Variants in ZFHX3 observed in about 807,000 individuals in gnomAD.
ZFHX3 encodes the protein zinc finger homeobox 3, also known as zinc finger homeobox protein 3.
Under a neutral mutation model 279.1 loss-of-function variants are expected in ZFHX3, and 42 were observed. That is an observed-to-expected ratio of 0.15 (90% CI 0.12 to 0.19). ZFHX3 has a LOEUF of 0.19. ZFHX3 is among the 10% of genes least tolerant of loss of function. The pLI, the probability that ZFHX3 is intolerant of heterozygous loss-of-function variation, is 1.00. For synonymous variants in ZFHX3, 2,293 were observed against 1,957.8 expected, an observed-to-expected ratio of 1.17 and a Z score of -4.52; for missense variants, 4,981 against 4,754.0, an observed-to-expected ratio of 1.05 and a Z score of -1.40.
At chr16:73,006,628 AAAGAAAAAAAAG>A (rs1567629181) in intron 1 of ZFHX3, among the ~76,000 whole-genome samples, 1 of 151,926 alleles carries the variant, frequency 6.6e-6, no homozygotes, top group Admixed American at 6.6e-5. Flanking sequence ...AAAAGAAAGA[AAAGAAAAAAAAG>A]AAAGAAACGA....
chr16:73,390,586 C>G (rs550818734), intron 3 of ZFHX3, among the ~76,000 whole-genome samples: 1 of 152,074 alleles, frequency 6.6e-6, no homozygotes, highest in African/African-American at 2.4e-5. Flanking sequence ...AGACTCATTA[C>G]GGGAAAAGCT....
At chr16:73,410,846 C>T (rs117113746) in intron 3 of ZFHX3, among the ~76,000 whole-genome samples, 41 of 152,284 alleles carry the variant, frequency 2.7e-4, no homozygotes, top group East Asian at 1.9e-3. Flanking sequence ...ATCTCCTTCC[C>T]GTAACAACCC....
chr16:72,896,728 G>A (rs1680416482), intron 3 of ZFHX3, among the ~76,000 whole-genome samples: 1 of 152,200 alleles, frequency 6.6e-6, no homozygotes, highest in African/African-American at 2.4e-5. Context: ...TATAAATCTG[G>A]AGGGGCCCCA....
At chr16:73,870,941 G>GT (rs1224336147) in intron 1 of ZFHX3, among the ~76,000 whole-genome samples, 1 of 152,076 alleles carries the variant, frequency 6.6e-6, no homozygotes, top group Non-Finnish European at 1.5e-5. Context: ...TCTGAATCGT[G>GT]TTTTGCATTG....
chr16:73,077,239 C>T (rs983529969), intron 8 of ZFHX3, among the ~76,000 whole-genome samples: 1 of 152,112 alleles, frequency 6.6e-6, no homozygotes, highest in African/African-American at 2.4e-5. Flanking sequence ...CCTCAATCTA[C>T]TAAAATCTTG....
intron 3 of ZFHX3, among the ~76,000 whole-genome samples, chr16:73,369,162 G>A (rs759381548): frequency 2.0e-5 from 3 of 152,132 alleles, no homozygotes; most frequent in South Asian, 2.1e-4. Flanking sequence ...ATTCTATCAC[G>A]CTTAAGCTAA....
chr16:73,017,989 C>CTT lies in ZFHX3; in HGVS notation c.-50+29761_-50+29762dup, dbSNP rs11460634. Among the ~76,000 whole-genome samples, 382 of 143,784 alleles carry CTT rather than the reference C, an allele frequency of 2.7e-3. 3 individuals carry two copies. Among genetic ancestry groups the CTT allele is most frequent in the Middle Eastern group, 0.015 (4 of 274 alleles). 94.3% of individuals were successfully genotyped at this position (143,784 alleles called of 152,430 possible). A position where few individuals can be genotyped will look rare whatever the true frequency, so the allele number is the denominator to read the frequency against. On this transcript the variant is annotated intron_variant, in intron 1 of 9. Transcript: ENST00000268489. ...GGACCTATGTTTTCTCAGTTTTTAT[C>CTT]TTTTTTTTTTTTTTGAGACAGGGTC...
At chr16:73,798,241 A>T (rs1960049847) in intron 1 of ZFHX3, among the ~76,000 whole-genome samples, 1 of 152,046 alleles carries the variant, frequency 6.6e-6, no homozygotes, top group African/African-American at 2.4e-5. Flanking sequence ...GAGATGGAAA[A>T]CATGGTCTCT....
chr16:73,479,467 T>A (rs2143622065), intron 2 of ZFHX3, among the ~76,000 whole-genome samples: 1 of 152,314 alleles, frequency 6.6e-6, no homozygotes, highest in Middle Eastern at 3.4e-3. Context: ...TCCAGCTACT[T>A]CTGCCCTTCT....
intron 4 of ZFHX3, among the ~76,000 whole-genome samples, chr16:72,863,837 G>T (rs1000865296): frequency 2.0e-5 from 3 of 152,116 alleles, no homozygotes; most frequent in African/African-American, 7.2e-5. Flanking sequence ...AACACAGAAG[G>T]TTCATTTTTT....
chr16:73,217,038 T>C (rs541556059), intron 5 of ZFHX3, among the ~76,000 whole-genome samples: 2 of 152,268 alleles, frequency 1.3e-5, no homozygotes, highest in African/African-American at 4.8e-5. Flanking sequence ...ATTGCCCAAA[T>C]AGAGTGAGCT....
In ZFHX3 at chr16:73,235,909, A is replaced by C. The variant is rs2012932674; in HGVS notation, c.-1104+21138T>G. 2.0e-5 allele frequency among the ~76,000 whole-genome samples: 3 copies of C among 152,138 alleles called. No individual in the cohort carries two copies. In the South Asian group the frequency reaches 6.2e-4, roughly 31 times the overall value. On this transcript the variant is annotated intron_variant, in intron 5 of 17. Transcript: ENST00000641206. ...TAGTCTTGAACTCCTGGGCTCAAGCAATCTGCCCACCTAGGCTTCCCAAAG... is the reference window on the plus strand; with the variant it reads ...TAGTCTTGAACTCCTGGGCTCAAGCCATCTGCCCACCTAGGCTTCCCAAAG...
Position 72,794,646 on chromosome 16 carries a change from C to T in ZFHX3, c.8036G>A (p.Gly2679Asp), listed in dbSNP as rs1334424966. The change falls in exon 9 of 10, where the codon GGC (glycine) becomes GAC (aspartate). Residue 2679 changes from glycine (G) to aspartate (D), a missense_variant. Gly to Asp is a moderately conservative substitution (Grantham distance 94). Coordinates refer to ENST00000268489, the MANE Select transcript of ZFHX3 (RefSeq NM_006885.4). This position sits in a 1 kb window ranked among gnomAD's most constrained non-coding sequence, Gnocchi z 4.2. ...KMLDHIAHEV[G>D]LKKRVVQVWF... ...GACTTGTACCACACGTTTCTTCAAG[C>T]CCACCTCGTGTGCAATGTGATCCAA... is the stretch of plus-strand genomic sequence containing the variant. 4 of 1,614,102 alleles carry T rather than the reference C, an allele frequency of 2.5e-6. No individual in the cohort carries two copies. Among genetic ancestry groups the T allele is most frequent in the Admixed American group, 1.7e-5 (1 of 60,012 alleles).
chr16:72,951,780 G>A (rs1961012337), intron 2 of ZFHX3, among the ~76,000 whole-genome samples: 1 of 152,216 alleles, frequency 6.6e-6, no homozygotes, highest in African/African-American at 2.4e-5. Flanking sequence ...CTGCCACCTT[G>A]AGAACAATCT....
At chr16:73,823,866 G>T (rs757271873) in intron 1 of ZFHX3, among the ~76,000 whole-genome samples, 1 of 152,158 alleles carries the variant, frequency 6.6e-6, no homozygotes, top group Non-Finnish European at 1.5e-5. Context: ...TTCAGCGGAC[G>T]CTCTGATGGC....
rs1198448605 is a variant in ZFHX3, at chr16:72,787,366, G to T, written c.10910C>A (p.Ser3637Ter). ...TGAACTTGAGGTAACCGTTGAAGAT[G>T]AGGAGAGAGGAGGAAAAGAAGGGGG... is the stretch of plus-strand genomic sequence containing the variant. ...AKPPSFPPLS[S>*]SSTVTSSSCS... The change falls in exon 10 of 10, where the codon TCA becomes TAA. Residue 3637 changes from serine to a stop codon, truncating the protein, a stop_gained. Coordinates refer to ENST00000268489, the MANE Select transcript of ZFHX3 (RefSeq NM_006885.4). LOFTEE classifies it high-confidence loss of function. 6.2e-7 allele frequency: 1 copy of T among 1,609,380 alleles called. No homozygotes were observed. The highest frequency in any genetic ancestry group is 8.5e-7 in the Non-Finnish European group (1 of 1,176,614).
At chr16:73,088,314 T>C (rs1396765376) in intron 8 of ZFHX3, among the ~76,000 whole-genome samples, 1 of 151,750 alleles carries the variant, frequency 6.6e-6, no homozygotes, top group Non-Finnish European at 1.5e-5. Context: ...CCCAGCTAAT[T>C]TTTGTATTTT....
chr16:72,996,290 A>G (rs1963288174), intron 1 of ZFHX3, among the ~76,000 whole-genome samples: 1 of 152,196 alleles, frequency 6.6e-6, no homozygotes, highest in East Asian at 1.9e-4. Flanking sequence ...CATAAAATAA[A>G]TAAATTAATT....
At chr16:73,592,093 G>C (rs570594152) in intron 2 of ZFHX3, among the ~76,000 whole-genome samples, 1 of 151,844 alleles carries the variant, frequency 6.6e-6, no homozygotes, top group South Asian at 2.1e-4. Context: ...TTAGCTGGGC[G>C]TGGTGGTGCA....
Sources: allele counts gnomAD v4.1 joint callset (sites outside exome capture counted in the v4.1 genomes callset), GRCh38; gene constraint gnomAD v4.1.1; non-coding constraint Gnocchi (gnomAD v3.1); transcripts MANE v1.5; gene names NCBI Gene and HGNC (gene_info 2026-07-23, HGNC 2026-07-21).